Variants in AGBL1 observed in about 807,000 individuals in gnomAD.
AGBL1 encodes cytosolic carboxypeptidase 4.
Under a neutral mutation model 118.9 loss-of-function variants are expected in AGBL1, and 130 were observed. The ratio of observed to expected loss-of-function variants is 1.09; its 90% CI spans 0.95 to 1.26. The LOEUF is 1.26. Ranked by LOEUF, AGBL1 falls within the 50% of genes most tolerant of loss-of-function variation. AGBL1 has a pLI of 0.00. For missense variants in AGBL1, 1,584 were observed against 1,298.1 expected, an observed-to-expected ratio of 1.22 and a Z score of -3.38; for synonymous variants, 555 against 478.9, an observed-to-expected ratio of 1.16 and a Z score of -2.08.
intron 22 of AGBL1, among the ~76,000 whole-genome samples, chr15:86,899,856 C>T (rs1284036987): frequency 3.9e-5 from 6 of 152,010 alleles, no homozygotes; most frequent in East Asian, 1.9e-4. Flanking sequence ...TGTGTCTGTG[C>T]GGGTGTTGCC....
At chr15:86,740,951 C>A (rs944454132) in intron 22 of AGBL1, among the ~76,000 whole-genome samples, 3 of 152,046 alleles carry the variant, frequency 2.0e-5, no homozygotes, top group Non-Finnish European at 4.4e-5. Context: ...GACTATAGAT[C>A]CTCAAGTATA....
intron 22 of AGBL1, among the ~76,000 whole-genome samples, chr15:86,897,286 T>C (rs1444786610): frequency 4.6e-5 from 7 of 152,220 alleles, no homozygotes; most frequent in African/African-American, 1.7e-4. Flanking sequence ...TGTTGCAGGA[T>C]TGAATGGATG....
At chr15:86,475,303 T>G (rs982001646) in intron 18 of AGBL1, among the ~76,000 whole-genome samples, 6 of 152,106 alleles carry the variant, frequency 3.9e-5, no homozygotes, top group Non-Finnish European at 8.8e-5. Context: ...TCGAACCCAC[T>G]GCAAAGAAGC....
rs28449208 is a variant in AGBL1 at position 86,081,418 on chromosome 15, T to C, written c.51+1395T>C. ...TAAGTGCAACCTTCAGGTGTGCAGATAAGGAAACGGAATCTCAGAAGTGAA... is the reference window on the plus strand; with the variant it reads ...TAAGTGCAACCTTCAGGTGTGCAGACAAGGAAACGGAATCTCAGAAGTGAA... On this transcript the variant is annotated intron_variant, in intron 1 of 22. Transcript: ENST00000614907. 3.6e-3 allele frequency among the ~76,000 whole-genome samples: 552 copies of C among 152,336 alleles called. 6 individuals carry two copies. Among genetic ancestry groups the C allele is most frequent in the African/African-American group, 0.013 (524 of 41,592 alleles).
chr15:86,547,595 G>A (rs1348866511), intron 20 of AGBL1, among the ~76,000 whole-genome samples: 1 of 152,130 alleles, frequency 6.6e-6, no homozygotes, highest in Non-Finnish European at 1.5e-5. Flanking sequence ...GCCCAGATTA[G>A]TGTCAGTTAA....
intron 22 of AGBL1, among the ~76,000 whole-genome samples, chr15:86,715,301 C>T (rs1272441392): frequency 2.0e-5 from 3 of 152,168 alleles, no homozygotes; most frequent in Non-Finnish European, 4.4e-5. Flanking sequence ...GCAAATTATC[C>T]TTATCACCCA....
chr15:86,655,455 T>A (rs1462568725), intron 21 of AGBL1, among the ~76,000 whole-genome samples: 1 of 152,160 alleles, frequency 6.6e-6, no homozygotes. Context: ...CCAAACTAAT[T>A]TTTGGAAGTA....
intron 22 of AGBL1, among the ~76,000 whole-genome samples, chr15:86,737,434 G>A (rs955898480): frequency 6.6e-6 from 1 of 152,204 alleles, no homozygotes; most frequent in African/African-American, 2.4e-5. Context: ...ACAAAGTGAA[G>A]TTTGTTTCGT....
chr15:86,860,470 C>T (rs1302387240), intron 22 of AGBL1, among the ~76,000 whole-genome samples: 1 of 151,224 alleles, frequency 6.6e-6, no homozygotes, highest in Non-Finnish European at 1.5e-5. Flanking sequence ...ACAATTTCTT[C>T]CTCTTTCCTA....
At chr15:86,688,112 C>T (rs961408037) in intron 22 of AGBL1, among the ~76,000 whole-genome samples, 13 of 152,176 alleles carry the variant, frequency 8.5e-5, no homozygotes, top group Admixed American at 1.3e-4. Flanking sequence ...AAACAACAAG[C>T]GCATGTCGTT....
chr15:86,725,372 G>A (rs1017829267), intron 22 of AGBL1, among the ~76,000 whole-genome samples: 2 of 152,168 alleles, frequency 1.3e-5, no homozygotes, highest in Non-Finnish European at 2.9e-5. Context: ...CTCTAGGATA[G>A]GGTAGGGGAG....
intron 22 of AGBL1, among the ~76,000 whole-genome samples, chr15:86,763,190 C>G (rs11635918): frequency 0.13 from 19,785 of 151,900 alleles, 1,542 homozygotes; most frequent in Non-Finnish European, 0.18. Context: ...AACAATAATA[C>G]TATAGATATG....
chr15:86,358,479 G>T (rs1312148303), intron 17 of AGBL1, among the ~76,000 whole-genome samples: 7 of 151,942 alleles, frequency 4.6e-5, no homozygotes, highest in Non-Finnish European at 8.8e-5. Flanking sequence ...GAATTATCTT[G>T]CAATAAACAT....
chr15:86,255,447 A>T (rs2142010056), intron 7 of AGBL1, among the ~76,000 whole-genome samples: 1 of 152,302 alleles, frequency 6.6e-6, no homozygotes. Context: ...TGAAGGAGAG[A>T]GAGCACTCTT....
chr15:86,252,443 T>C (rs1424517071), intron 7 of AGBL1, among the ~76,000 whole-genome samples: 2 of 152,186 alleles, frequency 1.3e-5, no homozygotes, highest in African/African-American at 4.8e-5. Flanking sequence ...TTGTGAAAGA[T>C]GTTGGGGCTG....
Position 86,164,604 on chromosome 15 carries a change from C to G in AGBL1, c.488+5578C>G, listed in dbSNP as rs183224741. Among the ~76,000 whole-genome samples, 807 of 152,276 alleles carry G rather than the reference C, an allele frequency of 5.3e-3. 2 individuals are homozygous for G. Among genetic ancestry groups the G allele is most frequent in the Admixed American group, 0.014 (214 of 15,284 alleles). On this transcript the variant is annotated intron_variant, in intron 5 of 22. Coordinates refer to ENST00000614907, the MANE Select transcript of AGBL1 (RefSeq NM_001386094.1). ...ACCTTTTCCAAAGTACAGCCACATC[C>G]CCTCTGATCCTTTTGGATTCTCACA...
chr15:86,876,153 A>G (rs1253028830), intron 22 of AGBL1, among the ~76,000 whole-genome samples: 2 of 152,210 alleles, frequency 1.3e-5, no homozygotes, highest in Non-Finnish European at 2.9e-5. Flanking sequence ...CAGTTTCTAC[A>G]TAGCTGCCAT....
At chr15:86,487,568 C>CT (rs35027012) in intron 18 of AGBL1, among the ~76,000 whole-genome samples, 46 of 148,560 alleles carry the variant, frequency 3.1e-4, no homozygotes, top group South Asian at 1.9e-3. Flanking sequence ...GGCCCCCTGA[C>CT]TTTTTTTTTT....
intron 1 of AGBL1, among the ~76,000 whole-genome samples, chr15:86,125,497 G>A (rs1015241688): frequency 4.6e-5 from 7 of 152,184 alleles, no homozygotes; most frequent in African/African-American, 1.4e-4. Flanking sequence ...CATCCTCTGA[G>A]TCCCCTTCAT....
Sources: gnomAD v4.1 joint callset for allele counts (sites outside exome capture counted in the v4.1 genomes callset) on GRCh38, gnomAD v4.1.1 for gene constraint, MANE v1.5 for transcripts, NCBI Gene and HGNC (gene_info 2026-07-23, HGNC 2026-07-21) for gene names.